The following ACO2 variants were observed in gnomAD, a reference collection of about 807,000 sequenced individuals.
The protein encoded by ACO2 is aconitase 2, also known as aconitate hydratase, mitochondrial.
A neutral mutation model predicts 84.5 loss-of-function variants in ACO2; 31 were observed. The observed-to-expected ratio is 0.37, with a 90% CI of 0.28 to 0.50. ACO2 has a LOEUF of 0.50. Among genes scored for constraint, ACO2 ranks in the 20% least tolerant of loss-of-function variants. The pLI is 0.97. For missense variants in ACO2, 685 were observed against 1,029.3 expected, an observed-to-expected ratio of 0.67 and a Z score of 4.58; for synonymous variants, 414 against 412.7, an observed-to-expected ratio of 1.00 and a Z score of -0.04.
At chr22:41,519,099 A>G (rs987943148) in intron 8 of ACO2, among the ~76,000 whole-genome samples, 4 of 152,206 alleles carry the variant, frequency 2.6e-5, no homozygotes, top group African/African-American at 7.2e-5. Context: ...CTGAACCAGA[A>G]GTGGATGTCA....
chr22:41,523,785 T>A, intron 11 of ACO2, 45 bp from the exon 12 acceptor site: 2 of 1,540,258 alleles, frequency 1.3e-6, no homozygotes, highest in Non-Finnish European at 1.8e-6. Context: ...ACAGGCCAGG[T>A]GACAAGGCCA....
At chr22:41,480,045 C>T (rs1032053550) in intron 1 of ACO2, among the ~76,000 whole-genome samples, 2 of 152,220 alleles carry the variant, frequency 1.3e-5, no homozygotes, top group Non-Finnish European at 2.9e-5. Context: ...ACCAAGCTAG[C>T]TGACTGCCTG....
chr22:41,469,753 C>T (rs1364476512), intron 1 of ACO2, among the ~76,000 whole-genome samples: 3 of 152,154 alleles, frequency 2.0e-5, no homozygotes, highest in African/African-American at 7.2e-5. Flanking sequence ...AGTCTCTCAC[C>T]TTTGCACAAG....
chr22:41,522,721 G>C, intron 9 of ACO2, 109 bp from the exon 10 acceptor site: 1 of 1,302,834 alleles, frequency 7.7e-7, no homozygotes, highest in Non-Finnish European at 1.1e-6. Flanking sequence ...CTCTGGCCCA[G>C]CCCAGATGGT....
At chr22:41,500,209 T>C (rs929474605) in intron 2 of ACO2, among the ~76,000 whole-genome samples, 1 of 152,144 alleles carries the variant, frequency 6.6e-6, no homozygotes, top group African/African-American at 2.4e-5. Flanking sequence ...GCCTGGAGAA[T>C]CATCTTCTAT....
chr22:41,525,663 T>G (rs1371928295), intron 14 of ACO2: 3 of 352,708 alleles, frequency 8.5e-6, no homozygotes, highest in Non-Finnish European at 1.1e-5. Context: ...GCTGGGACAG[T>G]GTGTGTGATT....
chr22:41,514,494 A>G (rs1455887648), intron 4 of ACO2, among the ~76,000 whole-genome samples: 1 of 152,188 alleles, frequency 6.6e-6, no homozygotes, highest in Non-Finnish European at 1.5e-5. Context: ...ATGGTCCCAC[A>G]ACAACTAGTA....
chr22:41,515,571 T>C lies in ACO2; in HGVS notation c.684+36T>C. The C allele has an allele frequency of 1.3e-6, 2 of 1,588,210 alleles. No homozygotes were observed. Among genetic ancestry groups the C allele is most frequent in the Non-Finnish European group, 1.7e-6 (2 of 1,165,930 alleles). On this transcript the variant is annotated intron_variant, in intron 5 of 17. Coordinates refer to ENST00000216254, the MANE Select transcript of ACO2 (RefSeq NM_001098.3). The surrounding 1 kb of genome is among the most constrained non-coding windows in gnomAD (Gnocchi z 5.8). ...GGAGGGACTCATTCTGGGCTGGCTG[T>C]GGGGTGGTGGTTGGTGGGGATGAAC...
At position 41,527,962 on chromosome 22, in the gene ACO2, C is replaced by T. The variant is rs770657342; in HGVS notation, c.2148C>T (p.Asn716=). 2.5e-6 allele frequency: 4 copies of T among 1,614,186 alleles called. 1 individual carries two copies. In the South Asian group the frequency reaches 4.4e-5, roughly 18 times the overall value. The change falls in exon 17 of 18, where the codon AAC becomes AAT. Residue 716 remains asparagine, a synonymous_variant. Coordinates refer to ENST00000216254, the MANE Select transcript of ACO2 (RefSeq NM_001098.3). ...PLTFADPADY[N]KIHPVDKLTI... is the part of the protein sequence containing the mutation. The stretch of plus-strand genomic sequence containing the variant: ...CCTTCGCTGACCCGGCTGACTACAA[C>T]AAGATTCACCCTGTGGACAAGCTGA...
chr22:41,521,054 A>G (rs1401605786), intron 9 of ACO2, among the ~76,000 whole-genome samples: 9 of 145,092 alleles, frequency 6.2e-5, no homozygotes, highest in Non-Finnish European at 9.3e-5. Context: ...AAAAAAAAAA[A>G]AAAAAGAAAG....
chr22:41,504,320 C>G (rs543320213), intron 2 of ACO2, among the ~76,000 whole-genome samples: 1 of 152,338 alleles, frequency 6.6e-6, no homozygotes, highest in East Asian at 1.9e-4. Flanking sequence ...GTGTCTCCAA[C>G]AGAAGGGGTC....
chr22:41,500,300 AATTTTATTTTATTTT>A (rs796379447), intron 2 of ACO2, among the ~76,000 whole-genome samples: 1 of 149,246 alleles, frequency 6.7e-6, no homozygotes, highest in Non-Finnish European at 1.5e-5. Context: ...TTTTTAATTT[AATTTTATTTTATTTT>A]ATTTTATTTT....
chr22:41,528,051 T>G (rs1406551754), intron 17 of ACO2, 29 bp downstream of exon 17: 15 of 1,613,560 alleles, frequency 9.3e-6, no homozygotes, highest in Non-Finnish European at 1.2e-5. Flanking sequence ...CCTGAGGTGG[T>G]GGGGTGAGGG....
At chr22:41,527,649 T>A in intron 16 of ACO2, 1 of 794,134 alleles carries the variant, frequency 1.3e-6, no homozygotes, top group Non-Finnish European at 1.9e-6. Flanking sequence ...CGCTGAGATC[T>A]AGGACATGTG....
At chr22:41,516,019 T>C (rs757936702) in intron 6 of ACO2, 102 bp downstream of exon 6, 7 of 1,466,166 alleles carry the variant, frequency 4.8e-6, no homozygotes, top group Non-Finnish European at 6.6e-6. Context: ...TGAGAATCTG[T>C]CTGTTCCATT....
chr22:41,510,562 C>T (rs2066426192), intron 3 of ACO2, among the ~76,000 whole-genome samples: 1 of 152,212 alleles, frequency 6.6e-6, no homozygotes, highest in Admixed American at 6.5e-5. Flanking sequence ...AGGGCACTGG[C>T]TGAGGTCCCT....
intron 1 of ACO2, among the ~76,000 whole-genome samples, chr22:41,477,705 T>TC (rs936316718): frequency 6.6e-6 from 1 of 152,078 alleles, no homozygotes; most frequent in Non-Finnish European, 1.5e-5. Flanking sequence ...CATTTCTGTC[T>TC]CCAGCCCCTG....
chr22:41,528,749 C>A lies in ACO2; in HGVS notation c.*136C>A. On this transcript the variant is annotated 3_prime_UTR_variant, in exon 18 of 18. Transcript: ENST00000216254. The stretch of plus-strand genomic sequence containing the variant: ...CATGCTTCCTGCTCCCCGCTTAGCC[C>A]ACGGAGTGACTGTGGTTGTGGTGGG... The A allele has an allele frequency of 1.6e-6, 2 of 1,269,194 alleles. No homozygotes were observed. The highest frequency in any genetic ancestry group is 2.1e-6 in the Non-Finnish European group (2 of 943,592). The allele number at this position is 1,269,194 out of a possible 1,614,324, so 78.6% of individuals were successfully genotyped here. A position where few individuals can be genotyped will look rare whatever the true frequency, so the allele number is the denominator to read the frequency against.
intron 9 of ACO2, 60 bp from the exon 10 acceptor site, chr22:41,522,770 T>C: frequency 6.4e-7 from 1 of 1,568,470 alleles, no homozygotes; most frequent in Non-Finnish European, 8.7e-7. Context: ...TGAAGTCAGG[T>C]GGAGACCTCT....
Sources: gnomAD v4.1 joint callset for allele counts (sites outside exome capture counted in the v4.1 genomes callset) on GRCh38, gnomAD v4.1.1 for gene constraint, Gnocchi (gnomAD v3.1) non-coding constraint, MANE v1.5 for transcripts, NCBI Gene and HGNC (gene_info 2026-07-23, HGNC 2026-07-21) for gene names.